Variants in WWC1 observed in about 807,000 individuals in gnomAD.
The protein encoded by WWC1 is WW and C2 domain containing 1, also known as protein KIBRA.
Under a neutral mutation model 138.4 loss-of-function variants are expected in WWC1, and 55 were observed. The observed-to-expected ratio is 0.40, with a 90% CI of 0.32 to 0.50. The LOEUF (loss-of-function observed/expected upper bound fraction) is 0.50. Among genes scored for constraint, WWC1 ranks in the 20% least tolerant of loss-of-function variants. The pLI, the probability that WWC1 is intolerant of heterozygous loss-of-function variation, is 0.72. For synonymous variants in WWC1, 524 were observed against 564.9 expected (o/e 0.93, Z 1.03); for missense variants, 1,226 against 1,420.4 (o/e 0.86, Z 2.20).
At chr5:168,391,003 A>G (rs1015493521) in intron 3 of WWC1, among the ~76,000 whole-genome samples, 4 of 152,224 alleles carry the variant, frequency 2.6e-5, no homozygotes, top group Non-Finnish European at 5.9e-5. Flanking sequence ...GCACACTGGT[A>G]AAGAGTGGCA....
In WWC1 at chr5:168,464,715, C is replaced by G. The variant is rs200955973; in HGVS notation, c.2917-14C>G. On this transcript the variant is annotated splice_polypyrimidine_tract_variant and intron_variant, in intron 20 of 22. Coordinates refer to ENST00000265293, the MANE Select transcript of WWC1 (RefSeq NM_015238.3). ...GAGCTCTAATAACAAGAGAAGCCGT[C>G]CCCACCCCCACAGCCTTCCTCGGTC... The G allele has an allele frequency of 4.0e-4, 640 of 1,614,068 alleles. 2 individuals are homozygous for G. The highest frequency in any genetic ancestry group is 2.0e-4 in the Non-Finnish European group (232 of 1,179,952).
At chr5:168,427,539 T>A (rs1371632869) in intron 11 of WWC1, among the ~76,000 whole-genome samples, 1 of 130,276 alleles carries the variant, frequency 7.7e-6, no homozygotes, top group East Asian at 2.6e-4. Flanking sequence ...TAAAGCAAAC[T>A]TTTTTTTAAT....
At chr5:168,351,009 T>C (rs1774908572) in intron 1 of WWC1, among the ~76,000 whole-genome samples, 1 of 151,798 alleles carries the variant, frequency 6.6e-6, no homozygotes, top group Non-Finnish European at 1.5e-5. Flanking sequence ...TAGCCGGGCG[T>C]GGTGGTGCAT....
chr5:168,415,050 G>T, intron 9 of WWC1: 1 of 165,290 alleles, frequency 6.0e-6, no homozygotes, highest in Non-Finnish European at 1.3e-5. Flanking sequence ...TCACCAAATT[G>T]ATTTCACCCC....
intron 5 of WWC1, among the ~76,000 whole-genome samples, chr5:168,402,795 A>G (rs1402703230): frequency 6.6e-6 from 1 of 152,102 alleles, no homozygotes; most frequent in Non-Finnish European, 1.5e-5. Flanking sequence ...CATCCCTGAT[A>G]ACTCCCTCCT....
chr5:168,428,537 TAGTG>T (rs1419379745), intron 12 of WWC1, among the ~76,000 whole-genome samples, 166 bp from the exon 13 acceptor site: 2 of 152,016 alleles, frequency 1.3e-5, no homozygotes, highest in Non-Finnish European at 2.9e-5. Flanking sequence ...CTGGGCAACA[TAGTG>T]AGCCCCCATC....
chr5:168,430,338 G>T, intron 14 of WWC1, 115 bp downstream of exon 14: 1 of 772,126 alleles, frequency 1.3e-6, no homozygotes, highest in Non-Finnish European at 2.1e-6. Flanking sequence ...GGCACTGTGG[G>T]TTTGTACTGC....
chr5:168,457,651 G>A (rs568353313), intron 19 of WWC1, among the ~76,000 whole-genome samples: 69 of 152,188 alleles, frequency 4.5e-4, no homozygotes, highest in Non-Finnish European at 8.1e-4. Flanking sequence ...AGCAAGGAAG[G>A]CCAGACCACA....
At chr5:168,413,387 T>C (rs1218016359) in intron 8 of WWC1, among the ~76,000 whole-genome samples, 1 of 152,214 alleles carries the variant, frequency 6.6e-6, no homozygotes, top group Non-Finnish European at 1.5e-5. Flanking sequence ...ATGATAATAA[T>C]ACTGAAGATC....
rs1267666571 is a variant in WWC1 at position 168,292,284 on chromosome 5, A to T, written c.119+13A>T. The T allele has an allele frequency of 6.3e-7, 1 of 1,587,270 alleles. No individual in the cohort carries two copies. The highest frequency in any genetic ancestry group is 1.2e-5 in the South Asian group (1 of 86,772). On this transcript the variant is annotated intron_variant, in intron 1 of 22. Coordinates refer to ENST00000265293, the MANE Select transcript of WWC1 (RefSeq NM_015238.3). This position sits in a 1 kb window ranked among gnomAD's most constrained non-coding sequence, Gnocchi z 4.4. ...ACCCGCGGGACAGGTAGGACCCTGG[A>T]ACCCTCCTCCGTGCCCCCACACCCC...
At chr5:168,347,855 G>A (rs550899748) in intron 1 of WWC1, among the ~76,000 whole-genome samples, 4 of 152,222 alleles carry the variant, frequency 2.6e-5, no homozygotes, top group South Asian at 4.2e-4. Flanking sequence ...AGTCCTGATC[G>A]CTGCCCTTGC....
chr5:168,405,681 G>A (rs1034185813), intron 5 of WWC1, among the ~76,000 whole-genome samples: 19 of 149,966 alleles, frequency 1.3e-4, no homozygotes, highest in South Asian at 2.1e-4. Flanking sequence ...CACGTTGGCC[G>A]TTTAACAGGG....
chr5:168,309,337 C>A (rs1770857369), intron 1 of WWC1, among the ~76,000 whole-genome samples: 1 of 146,454 alleles, frequency 6.8e-6, no homozygotes, highest in African/African-American at 2.8e-5. Flanking sequence ...AAAATTGAAT[C>A]CAGTCCTGGT....
intron 1 of WWC1, among the ~76,000 whole-genome samples, chr5:168,334,759 C>G (rs778090516): frequency 5.3e-5 from 8 of 152,370 alleles, no homozygotes; most frequent in African/African-American, 1.4e-4. Context: ...AATGACTCTC[C>G]TGCTAAGCAG....
intron 2 of WWC1, among the ~76,000 whole-genome samples, chr5:168,383,240 C>T (rs546940367): frequency 6.6e-6 from 1 of 151,742 alleles, no homozygotes; most frequent in African/African-American, 2.4e-5. Context: ...AAAACTGATC[C>T]TAGGCAATAG....
intron 15 of WWC1, among the ~76,000 whole-genome samples, chr5:168,436,646 G>T (rs944277597): frequency 6.6e-6 from 1 of 152,070 alleles, no homozygotes; most frequent in Non-Finnish European, 1.5e-5. Flanking sequence ...TGTCTCAGCC[G>T]ATGGCAATCT....
chr5:168,352,961 T>C (rs2152791037), intron 1 of WWC1, among the ~76,000 whole-genome samples: 1 of 152,288 alleles, frequency 6.6e-6, no homozygotes, highest in African/African-American at 2.4e-5. Context: ...TTAATATGGG[T>C]AACTCTTAGG....
chr5:168,394,490 C>T (rs979579287), intron 3 of WWC1, among the ~76,000 whole-genome samples: 2 of 150,634 alleles, frequency 1.3e-5, no homozygotes, highest in Non-Finnish European at 1.5e-5. Context: ...ACTTGGGGGG[C>T]CGAGGCGGGT....
intron 1 of WWC1, among the ~76,000 whole-genome samples, chr5:168,367,386 C>T (rs7710557): frequency 0.23 from 35,041 of 151,794 alleles, 4,211 homozygotes; most frequent in South Asian, 0.45. Flanking sequence ...GGCTGGAGTG[C>T]AGTGGCGGGA....
Sources: gnomAD v4.1 joint callset for allele counts (sites outside exome capture counted in the v4.1 genomes callset) on GRCh38, gnomAD v4.1.1 for gene constraint, Gnocchi (gnomAD v3.1) non-coding constraint, MANE v1.5 for transcripts, NCBI Gene and HGNC (gene_info 2026-07-23, HGNC 2026-07-21) for gene names.